Variants in ACOT7 observed in about 807,000 individuals in gnomAD.
ACOT7 encodes the protein cytosolic acyl coenzyme A thioester hydrolase.
Under a neutral mutation model 40.2 loss-of-function variants are expected in ACOT7, and 12 were observed. That is an observed-to-expected ratio of 0.30 (90% CI 0.19 to 0.48). ACOT7 has a LOEUF of 0.48. Ranked by LOEUF, ACOT7 falls within the 20% of genes least tolerant of loss-of-function variation. ACOT7 has a pLI of 0.99. For missense variants in ACOT7, 395 were observed against 530.8 expected (o/e 0.74, Z 2.51); for synonymous variants, 228 against 219.5 (o/e 1.04, Z -0.34).
rs1300686685 is a variant in ACOT7 at position 6,288,720 on chromosome 1, A to G, written c.829+6144T>C. Among the ~76,000 whole-genome samples the G allele has an allele frequency of 6.6e-6, 1 of 152,222 alleles. No homozygotes were observed. The highest frequency in any genetic ancestry group is 1.5e-5 in the Non-Finnish European group (1 of 68,038). Reference sequence around the variant, plus strand: ...ATTTGCAGCCAACAGAGCTGGGCCCACGGCAGGGTGGCAGTGGCCTCCATG... The same window carrying G: ...ATTTGCAGCCAACAGAGCTGGGCCCGCGGCAGGGTGGCAGTGGCCTCCATG... On this transcript the variant is annotated intron_variant, in intron 7 of 8. Transcript: ENST00000361521. The surrounding 1 kb of genome is among the most constrained non-coding windows in gnomAD (Gnocchi z 4.3).
At chr1:6,295,745 T>C (rs1008683361) in intron 6 of ACOT7, among the ~76,000 whole-genome samples, 2 of 152,128 alleles carry the variant, frequency 1.3e-5, no homozygotes, top group African/African-American at 2.4e-5. Flanking sequence ...AGAGGGTAGA[T>C]TAGGGGTTCC....
chr1:6,377,483 T>C (rs1248597519), intron 1 of ACOT7, among the ~76,000 whole-genome samples: 5 of 152,198 alleles, frequency 3.3e-5, no homozygotes, highest in Non-Finnish European at 7.3e-5. Flanking sequence ...AGAATCTTAG[T>C]AGAATCTTAA....
chr1:6,344,724 A>C (rs996625797), intron 2 of ACOT7, among the ~76,000 whole-genome samples: 12 of 141,506 alleles, frequency 8.5e-5, no homozygotes, highest in African/African-American at 3.2e-4. Flanking sequence ...AGACCGCACC[A>C]TTGCACCCCA....
chr1:6,297,559 C>T (rs1177763721), intron 6 of ACOT7, among the ~76,000 whole-genome samples: 1 of 152,176 alleles, frequency 6.6e-6, no homozygotes, highest in Non-Finnish European at 1.5e-5. Context: ...CCCATGGGGA[C>T]CCCATTCTTC....
In ACOT7 at chr1:6,358,359, C is replaced by T. The variant is rs76580709; in HGVS notation, c.144-8493G>A. On this transcript the variant is annotated intron_variant, in intron 1 of 8. Coordinates refer to ENST00000361521, the MANE Select transcript of ACOT7 (RefSeq NM_007274.4). This position sits in a 1 kb window ranked among gnomAD's most constrained non-coding sequence, Gnocchi z 4.1. ...CCAACAATGGCCCTGAGCTCCCAGC[C>T]TCCATTTTGGCCAGGGGCAGGGGAC... 0.027 allele frequency among the ~76,000 whole-genome samples: 4,070 copies of T among 152,226 alleles called. 198 individuals carry two copies. The highest frequency in any genetic ancestry group is 0.092 in the African/African-American group (3,837 of 41,524).
At chr1:6,298,808 G>T (rs954442808) in intron 6 of ACOT7, among the ~76,000 whole-genome samples, 1 of 152,344 alleles carries the variant, frequency 6.6e-6, no homozygotes, top group Admixed American at 6.5e-5. Flanking sequence ...GGTAGAGGAC[G>T]GTTGGGCCAG....
intron 8 of ACOT7, among the ~76,000 whole-genome samples, chr1:6,270,761 T>C (rs1639010053): frequency 6.6e-6 from 1 of 152,208 alleles, no homozygotes; most frequent in South Asian, 2.1e-4. Context: ...CATGTGTGTG[T>C]GTCTGTGTGG....
chr1:6,292,187 A>G (rs1427792701), intron 7 of ACOT7, among the ~76,000 whole-genome samples: 1 of 152,214 alleles, frequency 6.6e-6, no homozygotes, highest in African/African-American at 2.4e-5. Context: ...TCCTCTATAC[A>G]CAAAACAAGA....
rs369135684 is a variant in ACOT7, at chr1:6,340,239, T to G, written c.262-650A>C. 5.9e-5 allele frequency among the ~76,000 whole-genome samples: 9 copies of G among 152,262 alleles called. No individual in the cohort carries two copies. The East Asian group carries it at 1.7e-3, about 30-fold the overall frequency. ...CCTCGGCCTCCCAAAGTGCTGGGATTACAGGCATGAGCCACCGCGCCCGGC... is the reference window on the plus strand; with the variant it reads ...CCTCGGCCTCCCAAAGTGCTGGGATGACAGGCATGAGCCACCGCGCCCGGC... On this transcript the variant is annotated intron_variant, in intron 2 of 8. Coordinates refer to ENST00000361521, the MANE Select transcript of ACOT7 (RefSeq NM_007274.4).
rs1454538128 is a variant in ACOT7, at chr1:6,289,825, C to T, written c.829+5039G>A. Among the ~76,000 whole-genome samples the T allele has an allele frequency of 6.6e-6, 1 of 152,180 alleles. No homozygotes were observed. Among genetic ancestry groups the T allele is most frequent in the East Asian group, 1.9e-4 (1 of 5,202 alleles). ...AACTACAGGCTTGAGCCATCGTGCC[C>T]AGGCCCAGCTATTTTTCTAATAAAA... On this transcript the variant is annotated intron_variant, in intron 7 of 8. Coordinates refer to ENST00000361521, the MANE Select transcript of ACOT7 (RefSeq NM_007274.4). The surrounding 1 kb of genome is among the most constrained non-coding windows in gnomAD (Gnocchi z 4.6).
chr1:6,314,172 C>T (rs1255982597), intron 6 of ACOT7, among the ~76,000 whole-genome samples: 2 of 152,120 alleles, frequency 1.3e-5, no homozygotes, highest in African/African-American at 4.8e-5. Flanking sequence ...TTCGTAGTAA[C>T]ACCGTTTCGA....
At chr1:6,270,429 G>A (rs1215929442) in intron 8 of ACOT7, among the ~76,000 whole-genome samples, 1 of 152,200 alleles carries the variant, frequency 6.6e-6, no homozygotes, top group Non-Finnish European at 1.5e-5. Flanking sequence ...CCAGCTGCCG[G>A]GCACCCACCT....
At position 6,367,918 on chromosome 1, in the gene ACOT7, T is replaced by C. The variant is rs75507407; in HGVS notation, c.144-18052A>G. Among the ~76,000 whole-genome samples the C allele has an allele frequency of 1.2e-3, 183 of 152,312 alleles. 5 individuals are homozygous for C. The East Asian group carries it at 0.031, about 26-fold the overall frequency. Reference sequence around the variant, plus strand: ...GTGAGCAAGACAAAGAGGAGCTTTATTGAGTCACAGCCAGGTCATCCCAGT... The same window carrying C: ...GTGAGCAAGACAAAGAGGAGCTTTACTGAGTCACAGCCAGGTCATCCCAGT... On this transcript the variant is annotated intron_variant, in intron 1 of 8. Coordinates refer to ENST00000361521, the MANE Select transcript of ACOT7 (RefSeq NM_007274.4).
chr1:6,377,841 C>A (rs116222862), intron 1 of ACOT7, among the ~76,000 whole-genome samples: 2 of 152,102 alleles, frequency 1.3e-5, no homozygotes, highest in African/African-American at 4.8e-5. Flanking sequence ...TAAGCCTAGG[C>A]GGACGGATCA....
At chr1:6,312,240 C>G (rs913392543) in intron 6 of ACOT7, among the ~76,000 whole-genome samples, 1 of 152,072 alleles carries the variant, frequency 6.6e-6, no homozygotes, top group African/African-American at 2.4e-5. Context: ...AGGGGTATTA[C>G]AAAATTGAAA....
chr1:6,270,360 A>G (rs1409732374), intron 8 of ACOT7, among the ~76,000 whole-genome samples: 1 of 152,222 alleles, frequency 6.6e-6, no homozygotes, highest in East Asian at 1.9e-4. Flanking sequence ...GTCTCTCTCA[A>G]GTCCCCGAGG....
intron 1 of ACOT7, among the ~76,000 whole-genome samples, chr1:6,378,002 G>A (rs1212013115): frequency 1.3e-5 from 2 of 152,112 alleles, no homozygotes; most frequent in Non-Finnish European, 2.9e-5. Flanking sequence ...CCTGGGAGGT[G>A]GAGCTTGCAG....
chr1:6,269,038 T>C (rs1638941565), intron 8 of ACOT7, among the ~76,000 whole-genome samples: 2 of 152,158 alleles, frequency 1.3e-5, no homozygotes, highest in Admixed American at 6.5e-5. Flanking sequence ...GCGCAACCCA[T>C]GCTTAGGGCG....
rs1639263453 is a variant in ACOT7, at chr1:6,278,456, C to T, written c.1014+2646G>A. ...AGAGCTGTTCGGGAGAGGAGTGGAG[C>T]GGCACTGGGTGGGCGTGGGCATGGG... On this transcript the variant is annotated intron_variant, in intron 8 of 8. Transcript: ENST00000361521. The surrounding 1 kb of genome is among the most constrained non-coding windows in gnomAD (Gnocchi z 4.1). 6.6e-6 allele frequency among the ~76,000 whole-genome samples: 1 copy of T among 151,972 alleles called. No individual in the cohort carries two copies. The highest frequency in any genetic ancestry group is 2.1e-4 in the South Asian group (1 of 4,808).
Sources: allele counts gnomAD v4.1 joint callset (sites outside exome capture counted in the v4.1 genomes callset), GRCh38; gene constraint gnomAD v4.1.1; non-coding constraint Gnocchi (gnomAD v3.1); transcripts MANE v1.5; gene names NCBI Gene and HGNC (gene_info 2026-07-23, HGNC 2026-07-21).